FSIP1: variants seen among roughly 807,000 people sequenced by gnomAD.
The protein encoded by FSIP1 is fibrous sheath interacting protein 1.
FSIP1 carries 65 observed loss-of-function variants against 60.9 expected under a neutral mutation model. That is an observed-to-expected ratio of 1.07 (90% CI 0.87 to 1.31). FSIP1 has a LOEUF of 1.31. Ranked by LOEUF, FSIP1 falls within the 40% of genes most tolerant of loss-of-function variation. The pLI, the probability that FSIP1 is intolerant of heterozygous loss-of-function variation, is 0.00. For synonymous variants in FSIP1, 209 were observed against 221.2 expected (o/e 0.94, Z 0.49); for missense variants, 675 against 665.5 (o/e 1.01, Z -0.16).
rs143111283 is a variant in FSIP1 at position 39,662,483 on chromosome 15, C to A, written c.1189-44238G>T. 3.3e-3 allele frequency among the ~76,000 whole-genome samples: 499 copies of A among 152,148 alleles called. 1 individual carries two copies. The highest frequency in any genetic ancestry group is 0.012 in the African/African-American group (481 of 41,508). On this transcript the variant is annotated intron_variant, in intron 10 of 11. Transcript: ENST00000350221. ...AAGATGTTTTGAAGTAACAGATGTT[C>A]TGGAAATTAAGGATATGTAGTCACA...
At chr15:39,652,752 T>C (rs1595575959) in intron 10 of FSIP1, among the ~76,000 whole-genome samples, 1 of 152,288 alleles carries the variant, frequency 6.6e-6, no homozygotes, top group East Asian at 1.9e-4. Flanking sequence ...GGCTATATGG[T>C]ATGGCCTATT....
At chr15:39,765,219 C>T (rs1358700035) in intron 4 of FSIP1, among the ~76,000 whole-genome samples, 1 of 150,108 alleles carries the variant, frequency 6.7e-6, no homozygotes, top group African/African-American at 2.4e-5. Context: ...GATTTTCTTA[C>T]TCATCTTAGA....
At chr15:39,743,102 A>G (rs1271338430) in intron 5 of FSIP1, among the ~76,000 whole-genome samples, 1 of 152,218 alleles carries the variant, frequency 6.6e-6, no homozygotes, top group African/African-American at 2.4e-5. Flanking sequence ...AAGTGGTAAT[A>G]TATTTTTCTA....
chr15:39,685,509 C>CA (rs1273542444), intron 10 of FSIP1, among the ~76,000 whole-genome samples: 1 of 152,156 alleles, frequency 6.6e-6, no homozygotes, highest in African/African-American at 2.4e-5. Context: ...GAAAACAAAA[C>CA]ATACAACACC....
At chr15:39,763,585 T>C (rs370018260) in intron 5 of FSIP1, among the ~76,000 whole-genome samples, 4 of 152,186 alleles carry the variant, frequency 2.6e-5, no homozygotes, top group African/African-American at 9.7e-5. Context: ...TTTCCCAGTT[T>C]GTCCCTGCCC....
At chr15:39,696,073 T>C (rs1232674053) in intron 10 of FSIP1, among the ~76,000 whole-genome samples, 1 of 152,232 alleles carries the variant, frequency 6.6e-6, no homozygotes, top group Non-Finnish European at 1.5e-5. Context: ...ATGCTTTTGA[T>C]GGATCACTTC....
intron 10 of FSIP1, among the ~76,000 whole-genome samples, chr15:39,710,933 G>A (rs1227716835): frequency 6.6e-6 from 1 of 152,138 alleles, no homozygotes; most frequent in African/African-American, 2.4e-5. Flanking sequence ...TTTTCCACTT[G>A]GATAACAACC....
intron 5 of FSIP1, among the ~76,000 whole-genome samples, chr15:39,748,064 A>G (rs1897052964): frequency 6.6e-6 from 1 of 152,136 alleles, no homozygotes; most frequent in African/African-American, 2.4e-5. Context: ...TACTCCAATA[A>G]GTGCATTTTT....
At chr15:39,679,074 C>T (rs1256657981) in intron 10 of FSIP1, among the ~76,000 whole-genome samples, 1 of 152,142 alleles carries the variant, frequency 6.6e-6, no homozygotes, top group East Asian at 1.9e-4. Context: ...GTTTACTAAG[C>T]TGTTTAGTGT....
intron 10 of FSIP1, among the ~76,000 whole-genome samples, chr15:39,701,151 TA>T (rs983307634): frequency 6.6e-6 from 1 of 152,034 alleles, no homozygotes; most frequent in Non-Finnish European, 1.5e-5. Flanking sequence ...GACCCTGTCT[TA>T]AAAAAAATTT....
At chr15:39,640,854 G>A (rs1892339611) in intron 10 of FSIP1, among the ~76,000 whole-genome samples, 1 of 152,210 alleles carries the variant, frequency 6.6e-6, no homozygotes, top group Admixed American at 6.5e-5. Flanking sequence ...TGTATGAAAG[G>A]TTGAAATCTG....
chr15:39,706,778 A>G (rs1020717334), intron 10 of FSIP1, among the ~76,000 whole-genome samples: 1 of 152,192 alleles, frequency 6.6e-6, no homozygotes, highest in African/African-American at 2.4e-5. Context: ...ACTGTTAAGC[A>G]TTTGGTATAT....
chr15:39,745,103 AC>A (rs1896950079), intron 5 of FSIP1, among the ~76,000 whole-genome samples: 1 of 71,598 alleles, frequency 1.4e-5, no homozygotes. Context: ...CCCGCCCCCC[AC>A]CCCGCCATCC....
intron 6 of FSIP1, 51 bp from the exon 7 acceptor site, chr15:39,739,840 G>A: frequency 8.4e-7 from 1 of 1,191,760 alleles, no homozygotes; most frequent in Non-Finnish European, 1.2e-6. Flanking sequence ...TGTCAATTAT[G>A]CTAAAAGTTC....
At chr15:39,745,855 G>A (rs1162672899) in intron 5 of FSIP1, among the ~76,000 whole-genome samples, 1 of 152,088 alleles carries the variant, frequency 6.6e-6, no homozygotes, top group Non-Finnish European at 1.5e-5. Flanking sequence ...AGGCCAAGAG[G>A]AATCTCTTGA....
intron 3 of FSIP1, among the ~76,000 whole-genome samples, chr15:39,769,998 T>G (rs942378469): frequency 6.6e-6 from 1 of 152,230 alleles, no homozygotes; most frequent in Admixed American, 6.5e-5. Flanking sequence ...TGAGAAACAC[T>G]ATTCTAATTC....
At chr15:39,690,414 T>C (rs1254018064) in intron 10 of FSIP1, among the ~76,000 whole-genome samples, 3 of 152,212 alleles carry the variant, frequency 2.0e-5, no homozygotes, top group Admixed American at 1.3e-4. Flanking sequence ...TACACTTATA[T>C]GACTCCCTTC....
At chr15:39,645,733 G>T (rs1892572081) in intron 10 of FSIP1, among the ~76,000 whole-genome samples, 1 of 152,128 alleles carries the variant, frequency 6.6e-6, no homozygotes, top group African/African-American at 2.4e-5. Flanking sequence ...ACCCCAGGAA[G>T]GTTCCCTGCC....
In FSIP1 at chr15:39,627,796, A is replaced by G. The variant is rs368628014; in HGVS notation, c.1189-9551T>C. 7.9e-5 allele frequency among the ~76,000 whole-genome samples: 12 copies of G among 152,214 alleles called. No homozygotes were observed. The South Asian group carries it at 1.7e-3, about 21-fold the overall frequency. On this transcript the variant is annotated intron_variant, in intron 10 of 11. Coordinates refer to ENST00000350221, the MANE Select transcript of FSIP1 (RefSeq NM_152597.5). ...CTTTGCTTCACTTCTCTTGTTCCCC[A>G]CTTCTGTTTCTCTGGTGATGCTTTC... is the stretch of plus-strand genomic sequence containing the variant.
Sources: allele counts gnomAD v4.1 joint callset (sites outside exome capture counted in the v4.1 genomes callset), GRCh38; gene constraint gnomAD v4.1.1; transcripts MANE v1.5; gene names NCBI Gene and HGNC (gene_info 2026-07-23, HGNC 2026-07-21).